NAALADL2: variants seen among roughly 807,000 people sequenced by gnomAD.
The protein encoded by NAALADL2 is N-acetylated alpha-linked acidic dipeptidase like 2, also known as inactive N-acetylated-alpha-linked acidic dipeptidase-like protein 2.
A neutral mutation model predicts 87.2 loss-of-function variants in NAALADL2; 76 were observed. The ratio of observed to expected loss-of-function variants is 0.87; its 90% CI spans 0.72 to 1.05. The LOEUF (loss-of-function observed/expected upper bound fraction) is 1.05. NAALADL2 is among the 50% of genes least tolerant of loss of function. The probability of loss-of-function intolerance (pLI) is 0.00; values close to 1 mark genes in which losing one functional copy is unlikely to be tolerated. For synonymous variants in NAALADL2, 354 were observed against 331.0 expected (o/e 1.07, Z -0.75); for missense variants, 1,089 against 945.8 (o/e 1.15, Z -1.99).
rs557612913 is a variant in NAALADL2, at chr3:174,519,326, C to CTTTTTTTTTT, written c.-183-31234_-183-31225dup. Among the ~76,000 whole-genome samples the CTTTTTTTTTT allele has an allele frequency of 5.8e-4, 75 of 128,882 alleles. 1 individual carries two copies. The highest frequency in any genetic ancestry group is 2.2e-3 in the African/African-American group (74 of 34,166). 84.6% of individuals were successfully genotyped at this position (128,882 alleles called of 152,430 possible). A position where few individuals can be genotyped will look rare whatever the true frequency, so the allele number is the denominator to read the frequency against. ...AAACAAGTGAATGAATGAAGATTTC[C>CTTTTTTTTTT]TTTTTTTTTTTTTTTTTTGAGACAG... On this transcript the variant is annotated intron_variant, in intron 1 of 3. Coordinates refer to the NAALADL2 transcript ENST00000434257.
At chr3:174,722,473 C>T (rs1731795990) in intron 2 of NAALADL2, among the ~76,000 whole-genome samples, 1 of 152,168 alleles carries the variant, frequency 6.6e-6, no homozygotes, top group Non-Finnish European at 1.5e-5. Flanking sequence ...GAGGCCAAGG[C>T]AGGTGGATCA....
chr3:174,838,269 C>G (rs1200173417), intron 3 of NAALADL2, among the ~76,000 whole-genome samples: 3 of 152,038 alleles, frequency 2.0e-5, no homozygotes, highest in Admixed American at 1.3e-4. Context: ...TAGATGCAGA[C>G]AAATCCTTCG....
rs1755059903 is a variant in NAALADL2, at chr3:175,810,141, A to G, written c.*6938A>G. On this transcript the variant is annotated 3_prime_UTR_variant, in exon 14 of 14. Coordinates refer to ENST00000454872, the MANE Select transcript of NAALADL2 (RefSeq NM_207015.3). Reference sequence around the variant, plus strand: ...TTTTTAATGATATTGATTTAGAGGCATTTGTCGGTAGTTTTTAAATTACTA... The same window carrying G: ...TTTTTAATGATATTGATTTAGAGGCGTTTGTCGGTAGTTTTTAAATTACTA... The G allele has an allele frequency of 6.6e-6, 1 of 151,938 alleles. No individual in the cohort carries two copies. Among genetic ancestry groups the G allele is most frequent in the Non-Finnish European group, 1.5e-5 (1 of 67,926 alleles). The allele number at this position is 151,938 out of a possible 1,614,324, so 9.4% of individuals were successfully genotyped here.
At chr3:174,441,920 G>A (rs922849889) in intron 1 of NAALADL2, among the ~76,000 whole-genome samples, 9 of 152,028 alleles carry the variant, frequency 5.9e-5, no homozygotes, top group African/African-American at 2.2e-4. Context: ...GGATTAAGTT[G>A]CTGGACTGAA....
At chr3:175,442,778 G>T (rs932446723) in intron 5 of NAALADL2, among the ~76,000 whole-genome samples, 2 of 152,164 alleles carry the variant, frequency 1.3e-5, no homozygotes, top group Non-Finnish European at 2.9e-5. Flanking sequence ...TAAAATAAAA[G>T]TTGGTCCCCC....
intron 2 of NAALADL2, among the ~76,000 whole-genome samples, chr3:175,191,057 C>A (rs1462197543): frequency 6.6e-6 from 1 of 150,990 alleles, no homozygotes; most frequent in Non-Finnish European, 1.5e-5. Flanking sequence ...ATGTGTAACA[C>A]AAGAACTATG....
chr3:175,203,020 G>A (rs1352138322), intron 2 of NAALADL2, among the ~76,000 whole-genome samples: 3 of 152,018 alleles, frequency 2.0e-5, no homozygotes, highest in Admixed American at 6.6e-5. Flanking sequence ...GGTGGTGGAC[G>A]AGATGGACTT....
At chr3:175,572,306 C>T (rs1718198952) in intron 9 of NAALADL2, among the ~76,000 whole-genome samples, 1 of 151,364 alleles carries the variant, frequency 6.6e-6, no homozygotes, top group Non-Finnish European at 1.5e-5. Context: ...AAATAGTCCA[C>T]ATGTAGCATC....
chr3:174,743,159 C>A (rs188704289), intron 3 of NAALADL2, among the ~76,000 whole-genome samples: 20 of 151,712 alleles, frequency 1.3e-4, no homozygotes, highest in South Asian at 4.2e-4. Flanking sequence ...CAAGAAGTGG[C>A]GTATGTTTAG....
intron 1 of NAALADL2, among the ~76,000 whole-genome samples, chr3:174,476,948 A>AT (rs1368481692): frequency 6.6e-6 from 1 of 152,062 alleles, no homozygotes; most frequent in African/African-American, 2.4e-5. Flanking sequence ...GGGACTAGAC[A>AT]TTTTTTGAGG....
intron 13 of NAALADL2, among the ~76,000 whole-genome samples, chr3:175,762,743 A>G (rs976385681): frequency 2.6e-5 from 4 of 152,180 alleles, no homozygotes; most frequent in Non-Finnish European, 5.9e-5. Context: ...CAACATCTTC[A>G]TAGAAAATAA....
At chr3:175,800,353 C>CA (rs1754004452) in intron 13 of NAALADL2, among the ~76,000 whole-genome samples, 1 of 152,140 alleles carries the variant, frequency 6.6e-6, no homozygotes, top group Admixed American at 6.5e-5. Context: ...TTTCTTAATA[C>CA]AAACTATAAA....
chr3:175,796,870 A>G (rs1753559611), intron 13 of NAALADL2, among the ~76,000 whole-genome samples: 1 of 152,200 alleles, frequency 6.6e-6, no homozygotes, highest in African/African-American at 2.4e-5. Flanking sequence ...CATTATTTCC[A>G]TCATTAATTT....
Position 175,212,763 on chromosome 3 carries a change from G to T in NAALADL2, c.546-21168G>T, listed in dbSNP as rs186879943. ...AGAAATGAGCAGCTCTAAAATAAAT[G>T]TAAAAGCCTATTTTTACCTAGACTT... On this transcript the variant is annotated intron_variant, in intron 2 of 13. Transcript: ENST00000454872. 3.0e-3 allele frequency among the ~76,000 whole-genome samples: 455 copies of T among 152,214 alleles called. 1 individual carries two copies. The highest frequency in any genetic ancestry group is 0.01 in the African/African-American group (417 of 41,558).
At chr3:175,192,319 C>T (rs1738330796) in intron 2 of NAALADL2, among the ~76,000 whole-genome samples, 3 of 151,988 alleles carry the variant, frequency 2.0e-5, no homozygotes, top group Admixed American at 2.0e-4. Context: ...AATAAACTTG[C>T]TGTCTTAGAT....
intron 3 of NAALADL2, among the ~76,000 whole-genome samples, chr3:174,788,479 CT>C (rs1717068896): frequency 6.6e-6 from 1 of 152,172 alleles, no homozygotes; most frequent in African/African-American, 2.4e-5. Context: ...CTTCTTAAAT[CT>C]CTTTCCTTGG....
At position 175,191,669 on chromosome 3, in the gene NAALADL2, G is replaced by A. The variant is rs575500005; in HGVS notation, c.546-42262G>A. Among the ~76,000 whole-genome samples, 6 of 152,264 alleles carry A rather than the reference G, an allele frequency of 3.9e-5. No homozygotes were observed. In the South Asian group the frequency reaches 1.2e-3, roughly 32 times the overall value. On this transcript the variant is annotated intron_variant, in intron 2 of 13. Transcript: ENST00000454872. ...CTTTGCTGAGCGATAAAGTTTATTTGATCCCCAAAAGATATAATGTACGCA... is the reference window on the plus strand; with the variant it reads ...CTTTGCTGAGCGATAAAGTTTATTTAATCCCCAAAAGATATAATGTACGCA...
intron 2 of NAALADL2, among the ~76,000 whole-genome samples, chr3:174,591,534 T>C: frequency 6.6e-6 from 1 of 152,168 alleles, no homozygotes; most frequent in East Asian, 1.9e-4. Context: ...AAATGAAAAC[T>C]TCCCATCATC....
chr3:175,801,545 C>T (rs1459597302), intron 13 of NAALADL2, among the ~76,000 whole-genome samples: 1 of 152,022 alleles, frequency 6.6e-6, no homozygotes, highest in Non-Finnish European at 1.5e-5. Flanking sequence ...TCTCTTTTAG[C>T]TTTTTTACTT....
Sources: allele counts gnomAD v4.1 joint callset (sites outside exome capture counted in the v4.1 genomes callset), GRCh38; gene constraint gnomAD v4.1.1; transcripts MANE v1.5; gene names NCBI Gene and HGNC (gene_info 2026-07-23, HGNC 2026-07-21).